PSMG2: variants seen among roughly 807,000 people sequenced by gnomAD.
PSMG2 encodes the protein CD40 ligand-activated specific transcript 3.
Under a neutral mutation model 31.5 loss-of-function variants are expected in PSMG2, and 21 were observed. That is an observed-to-expected ratio of 0.67 (90% CI 0.47 to 0.96). The LOEUF is 0.96. PSMG2 is among the 40% of genes least tolerant of loss of function. The probability of loss-of-function intolerance (pLI) is 0.00; values close to 1 mark genes in which losing one functional copy is unlikely to be tolerated. For missense variants in PSMG2, 318 were observed against 321.2 expected (o/e 0.99, Z 0.08); for synonymous variants, 120 against 110.4 (o/e 1.09, Z -0.54).
upstream of PSMG2, chr18:12,702,435 G>T: frequency 7.0e-7 from 1 of 1,423,270 alleles, no homozygotes. Context: ...GGGCAGGAGG[G>T]AAAGGTTATG....
chr18:12,702,555 A>C (rs1400148040), upstream of PSMG2: 1 of 1,579,082 alleles, frequency 6.3e-7, no homozygotes. Context: ...ACATGCTGGC[A>C]GCCGGCGTCT....
chr18:12,705,362 C>T (rs552924003), intron 1 of PSMG2, among the ~76,000 whole-genome samples: 5 of 152,204 alleles, frequency 3.3e-5, no homozygotes, highest in East Asian at 3.9e-4. Context: ...CCATGCCCGG[C>T]GCCCTTTTCT....
chr18:12,702,863 AC>A (rs1377558530), upstream of PSMG2: 5 of 563,690 alleles, frequency 8.9e-6, no homozygotes, highest in African/African-American at 4.0e-5. Flanking sequence ...ACCTCAGCGC[AC>A]CCCATCGCCT....
At chr18:12,663,266 C>A (rs2038735669) in intron 1 of PSMG2, among the ~76,000 whole-genome samples, 1 of 152,094 alleles carries the variant, frequency 6.6e-6, no homozygotes, top group South Asian at 2.1e-4. Context: ...AAATTAAAAA[C>A]AAAATAAGGC....
chr18:12,702,015 T>C (rs2040170617), upstream of PSMG2, among the ~76,000 whole-genome samples: 1 of 152,040 alleles, frequency 6.6e-6, no homozygotes, highest in South Asian at 2.1e-4. Flanking sequence ...TAATCCCAGC[T>C]ACTCGGGAGG....
chr18:12,703,888 C>T lies in PSMG2; in HGVS notation c.57+724C>T, dbSNP rs76184110. On this transcript the variant is annotated intron_variant, in intron 1 of 6. Transcript: ENST00000317615. ...GTTTCAGAAAGATGGATGTCTAAAA[C>T]AGAGTCAGTAAGCAGGGGGACTTGA... Among the ~76,000 whole-genome samples, 1,341 of 152,232 alleles carry T rather than the reference C, an allele frequency of 8.8e-3. 28 individuals are homozygous for T. Among genetic ancestry groups the T allele is most frequent in the African/African-American group, 0.03 (1,236 of 41,540 alleles).
intron 1 of PSMG2, 57 bp from the exon 2 acceptor site, chr18:12,706,493 T>C: frequency 6.4e-7 from 1 of 1,573,886 alleles, no homozygotes; most frequent in Non-Finnish European, 8.7e-7. Flanking sequence ...TTTCAAAAAA[T>C]AAAATAAAGT....
At chr18:12,715,393 G>T (rs1418911494) in intron 3 of PSMG2, among the ~76,000 whole-genome samples, 3 of 152,186 alleles carry the variant, frequency 2.0e-5, no homozygotes, top group African/African-American at 7.2e-5. Flanking sequence ...ACATAGAGAA[G>T]CTCTCAGTAA....
At chr18:12,724,863 T>TA (rs1277437079) in intron 6 of PSMG2, 3 of 425,126 alleles carry the variant, frequency 7.1e-6, no homozygotes, top group Admixed American at 8.5e-5. Context: ...TCATTGTACT[T>TA]ACTATTCATG....
At chr18:12,696,286 C>T (rs2039954798) in intron 1 of PSMG2, among the ~76,000 whole-genome samples, 1 of 152,080 alleles carries the variant, frequency 6.6e-6, no homozygotes, top group African/African-American at 2.4e-5. Flanking sequence ...GGGCAGATCA[C>T]GAGGTCAAGA....
At position 12,691,709 on chromosome 18, in the gene PSMG2, AT is replaced by A. The variant is rs537984227; in HGVS notation, c.-36-14825del. 2.1e-3 allele frequency among the ~76,000 whole-genome samples: 294 copies of A among 140,232 alleles called. 1 individual carries two copies. The highest frequency in any genetic ancestry group is 7.1e-3 in the East Asian group (34 of 4,768). The allele number at this position is 140,232 out of a possible 152,430, so 92.0% of individuals were successfully genotyped here. A position where few individuals can be genotyped will look rare whatever the true frequency, so the allele number is the denominator to read the frequency against. On this transcript the variant is annotated intron_variant, in intron 1 of 6. Coordinates refer to the PSMG2 transcript ENST00000585331. ...TCACCTTTTTTTCCTCAAAGACAGAATTTTTTTTTTTTTTTTGGTTGTGGAG... is the reference window on the plus strand; with the variant it reads ...TCACCTTTTTTTCCTCAAAGACAGAATTTTTTTTTTTTTTTGGTTGTGGAG...
At chr18:12,722,014 C>A (rs2040435188) in intron 5 of PSMG2, among the ~76,000 whole-genome samples, 1 of 152,132 alleles carries the variant, frequency 6.6e-6, no homozygotes, top group African/African-American at 2.4e-5. Context: ...CACCTACCTC[C>A]TTTCTAAGAG....
chr18:12,669,222 C>T (rs192744192), intron 1 of PSMG2, among the ~76,000 whole-genome samples: 18 of 151,774 alleles, frequency 1.2e-4, no homozygotes, highest in Non-Finnish European at 2.1e-4. Flanking sequence ...AAGCGATTCT[C>T]CTGTCTCAGC....
intron 2 of PSMG2, 70 bp from the exon 3 acceptor site, chr18:12,712,628 TTTTG>T (rs1488116385): frequency 8.2e-6 from 9 of 1,095,128 alleles, no homozygotes; most frequent in South Asian, 5.4e-5. Context: ...ATAATTCAAT[TTTTG>T]TTTATCATAA....
intron 1 of PSMG2, among the ~76,000 whole-genome samples, chr18:12,675,321 G>A (rs1032190571): frequency 3.9e-5 from 6 of 152,002 alleles, no homozygotes; most frequent in African/African-American, 1.2e-4. Context: ...GTATGAATCC[G>A]GGAGGCAGAG....
chr18:12,721,321 G>T (rs2040428993), intron 5 of PSMG2, among the ~76,000 whole-genome samples: 1 of 152,026 alleles, frequency 6.6e-6, no homozygotes, highest in Non-Finnish European at 1.5e-5. Context: ...ACTTTTTAGG[G>T]ATTCTAATAC....
intron 4 of PSMG2, among the ~76,000 whole-genome samples, chr18:12,719,280 G>A (rs907026262): frequency 1.3e-5 from 2 of 152,170 alleles, no homozygotes; most frequent in Non-Finnish European, 2.9e-5. Context: ...GTCAGAGTGA[G>A]TTCTTAAATG....
chr18:12,706,039 A>G (rs1431167330), intron 1 of PSMG2, among the ~76,000 whole-genome samples: 2 of 152,232 alleles, frequency 1.3e-5, no homozygotes, highest in African/African-American at 4.8e-5. Flanking sequence ...TATAGTAGGC[A>G]TTCAATAAGT....
At chr18:12,718,375 G>A (rs540272033) in intron 3 of PSMG2, 142 bp from the exon 4 acceptor site, 2 of 456,288 alleles carry the variant, frequency 4.4e-6, no homozygotes, top group Admixed American at 3.7e-5. Context: ...TTTAAGCACA[G>A]TAAGTGGATC....
Sources: allele counts gnomAD v4.1 joint callset (sites outside exome capture counted in the v4.1 genomes callset), GRCh38; gene constraint gnomAD v4.1.1; transcripts MANE v1.5; gene names NCBI Gene and HGNC (gene_info 2026-07-23, HGNC 2026-07-21).